C5orf46: variants seen among roughly 807,000 people sequenced by gnomAD.
C5orf46 encodes chromosome 5 open reading frame 46, also known as uncharacterized protein C5orf46.
A neutral mutation model predicts 8.9 loss-of-function variants in C5orf46; 9 were observed. That is an observed-to-expected ratio of 1.01 (90% confidence interval 0.61 to 1.76). The LOEUF is 1.76. Among genes scored for constraint, C5orf46 ranks in the 40% most tolerant of loss-of-function variants. The pLI is 0.00. For missense variants in C5orf46, 98 were observed against 107.8 expected, an observed-to-expected ratio of 0.91 and a Z score of 0.40; for synonymous variants, 47 against 41.4, an observed-to-expected ratio of 1.14 and a Z score of -0.52.
chr5:147,891,070 A>G (rs1189660710), downstream of C5orf46, among the ~76,000 whole-genome samples: 2 of 152,110 alleles, frequency 1.3e-5, no homozygotes, highest in Admixed American at 1.3e-4. Flanking sequence ...GTCACAGGGG[A>G]ATTCTCTGCT....
At chr5:147,888,542 A>G (rs747373990), downstream of C5orf46, among the ~76,000 whole-genome samples, 1 of 152,178 alleles carries the variant, frequency 6.6e-6, no homozygotes, top group Non-Finnish European at 1.5e-5. Context: ...TCACTCAACT[A>G]TAAATGCCTC....
chr5:147,887,415 A>C (rs907795618), intron 2 of C5orf46: 36 of 152,210 alleles, frequency 2.4e-4, no homozygotes, highest in African/African-American at 8.4e-4. Context: ...TAAATGGTGC[A>C]TTCTTTGTTC....
downstream of C5orf46, among the ~76,000 whole-genome samples, chr5:147,891,855 T>G (rs1223155978): frequency 6.6e-6 from 1 of 152,208 alleles, no homozygotes; most frequent in Non-Finnish European, 1.5e-5. Context: ...TTTTTCAACA[T>G]TTAGTAGGAA....
At position 147,901,668 on chromosome 5, in the gene C5orf46, T is replaced by C; in HGVS notation, c.176A>G (p.Asn59Ser). 1 of 1,614,084 alleles carries C rather than the reference T, an allele frequency of 6.2e-7. No individual in the cohort carries two copies. The highest frequency in any genetic ancestry group is 8.5e-7 in the Non-Finnish European group (1 of 1,179,984). The change falls in exon 2 of 4, where the codon AAT (asparagine) becomes AGT (serine). Residue 59 changes from asparagine to serine, a missense_variant. Physicochemically the swap from Asn to Ser is conservative, Grantham distance 46. Coordinates refer to ENST00000318315, the MANE Select transcript of C5orf46 (RefSeq NM_206966.3). The stretch of plus-strand genomic sequence containing the variant: ...GGAGCGGAGGATGAACTCGACTGCA[T>C]TCTCAATGATCTCTGTGCCCAGGAG... ...LSLLGTEIIE[N>S]AVEFILRSMS...
At chr5:147,898,528 C>T (rs1378273645) in intron 2 of C5orf46, among the ~76,000 whole-genome samples, 1 of 151,998 alleles carries the variant, frequency 6.6e-6, no homozygotes, top group Non-Finnish European at 1.5e-5. Context: ...TCAGTTATTC[C>T]ATCTGGAGCT....
At chr5:147,886,600 C>T (rs1757424386) in intron 2 of C5orf46, 3 of 151,142 alleles carry the variant, frequency 2.0e-5, no homozygotes, top group Non-Finnish European at 4.4e-5. Flanking sequence ...GAGGAAACCA[C>T]TGTTCACATT....
intron 1 of C5orf46, 121 bp downstream of exon 1, chr5:147,906,311 T>G (rs1433291163): frequency 2.0e-6 from 1 of 507,346 alleles, no homozygotes; most frequent in Non-Finnish European, 3.6e-6. Flanking sequence ...CCCAGGCCAG[T>G]GCTCTTTCTG....
chr5:147,898,481 T>C (rs917328384), intron 2 of C5orf46, among the ~76,000 whole-genome samples: 5 of 152,138 alleles, frequency 3.3e-5, no homozygotes, highest in South Asian at 2.1e-4. Flanking sequence ...GAATTTGAAA[T>C]AGTGGTAGAA....
downstream of C5orf46, among the ~76,000 whole-genome samples, chr5:147,892,518 C>T (rs2127124516): frequency 6.6e-6 from 1 of 152,148 alleles, no homozygotes; most frequent in Middle Eastern, 3.4e-3. Context: ...GGTTTTAATC[C>T]TCTTTCTGTC....
At chr5:147,895,773 A>G (rs905663000) in intron 3 of C5orf46, among the ~76,000 whole-genome samples, 1 of 152,192 alleles carries the variant, frequency 6.6e-6, no homozygotes, top group Admixed American at 6.5e-5. Flanking sequence ...GAAGACATAC[A>G]AACATAAGTG....
chr5:147,889,102 C>A (rs1388219259), downstream of C5orf46, among the ~76,000 whole-genome samples: 1 of 151,982 alleles, frequency 6.6e-6, no homozygotes, highest in Non-Finnish European at 1.5e-5. Flanking sequence ...TGTGCTTATA[C>A]ATATAAGCTT....
Position 147,904,757 on chromosome 5 carries a change from A to C in C5orf46, c.70+1675T>G, listed in dbSNP as rs369315545. The stretch of plus-strand genomic sequence containing the variant: ...AAATTAGCCATGTAAACTTGCACAC[A>C]GTGCTTAACTTTGCATCTCTCAGTT... On this transcript the variant is annotated intron_variant, in intron 1 of 3. Transcript: ENST00000318315. 3.0e-4 allele frequency among the ~76,000 whole-genome samples: 45 copies of C among 152,006 alleles called. 1 individual carries two copies. In the South Asian group the frequency reaches 8.9e-3, roughly 30 times the overall value.
At chr5:147,888,125 TCCTGATACTTC>T (rs1757449903), downstream of C5orf46, among the ~76,000 whole-genome samples, 1 of 152,206 alleles carries the variant, frequency 6.6e-6, no homozygotes, top group African/African-American at 2.4e-5. Context: ...TACGAGTCAT[TCCTGATACTTC>T]CCTCTCCCTG....
intron 1 of C5orf46, among the ~76,000 whole-genome samples, chr5:147,903,011 G>C (rs1757695138): frequency 6.6e-6 from 1 of 152,144 alleles, no homozygotes; most frequent in African/African-American, 2.4e-5. Context: ...CTTAACACTA[G>C]ATTCTTAAGG....
intron 2 of C5orf46, among the ~76,000 whole-genome samples, chr5:147,899,482 TC>T (rs1176201528): frequency 7.2e-5 from 11 of 152,292 alleles, no homozygotes; most frequent in African/African-American, 2.6e-4. Flanking sequence ...TCAGGATTTC[TC>T]AGTCAAATTG....
At chr5:147,896,216 A>G (rs1408240080) in intron 3 of C5orf46, among the ~76,000 whole-genome samples, 2 of 152,210 alleles carry the variant, frequency 1.3e-5, no homozygotes, top group Non-Finnish European at 2.9e-5. Context: ...AGGCCTTGGA[A>G]TCAGGCTGCT....
chr5:147,903,713 G>T (rs764428466), intron 1 of C5orf46, among the ~76,000 whole-genome samples: 2 of 152,206 alleles, frequency 1.3e-5, no homozygotes, highest in South Asian at 2.1e-4. Flanking sequence ...CCAATGATTG[G>T]TTCCTTCATT....
intron 2 of C5orf46, among the ~76,000 whole-genome samples, chr5:147,899,608 C>A (rs1757635836): frequency 6.6e-6 from 1 of 152,186 alleles, no homozygotes; most frequent in African/African-American, 2.4e-5. Flanking sequence ...GTGATTTGGT[C>A]TCTACTTTCA....
chr5:147,896,847 T>C, intron 3 of C5orf46, 137 bp downstream of exon 3: 1 of 429,784 alleles, frequency 2.3e-6, no homozygotes, highest in East Asian at 3.6e-5. Flanking sequence ...AATATATTCA[T>C]TTATTTTTTT....
Sources: allele counts gnomAD v4.1 joint callset (sites outside exome capture counted in the v4.1 genomes callset), GRCh38; gene constraint gnomAD v4.1.1; transcripts MANE v1.5; gene names NCBI Gene and HGNC (gene_info 2026-07-23, HGNC 2026-07-21).